Variants in SCAI observed in about 807,000 individuals in gnomAD.
SCAI encodes suppressor of cancer cell invasion.
Under a neutral mutation model 92.2 loss-of-function variants are expected in SCAI, and 24 were observed. The observed-to-expected ratio is 0.26, with a 90% CI of 0.19 to 0.37. SCAI has a LOEUF of 0.37. Among genes scored for constraint, SCAI ranks in the 10% least tolerant of loss-of-function variants. The probability of loss-of-function intolerance (pLI) is 1.00; values close to 1 mark genes in which losing one functional copy is unlikely to be tolerated. For missense variants in SCAI, 450 were observed against 736.2 expected, an observed-to-expected ratio of 0.61 and a Z score of 4.50; for synonymous variants, 261 against 258.6, an observed-to-expected ratio of 1.01 and a Z score of -0.09.
chr9:124,974,447 CAAA>C (rs34233299), intron 15 of SCAI, among the ~76,000 whole-genome samples: 8 of 92,646 alleles, frequency 8.6e-5, no homozygotes, highest in Non-Finnish European at 8.7e-5. Flanking sequence ...GACCCCATCT[CAAA>C]AAAAAAAAAA....
intron 6 of SCAI, 58 bp from the exon 7 acceptor site, chr9:125,020,827 T>G: frequency 1.3e-6 from 1 of 766,524 alleles, no homozygotes; most frequent in Non-Finnish European, 2.1e-6. Flanking sequence ...TTTTTGATTT[T>G]TTTAATTTTC....
intron 2 of SCAI, among the ~76,000 whole-genome samples, chr9:125,136,420 C>T (rs1236673950): frequency 6.9e-6 from 1 of 144,398 alleles, no homozygotes; most frequent in African/African-American, 2.6e-5. Flanking sequence ...TTCAGAATTT[C>T]TATAGCCACA....
intron 12 of SCAI, among the ~76,000 whole-genome samples, chr9:125,000,220 CAG>C (rs1381351341): frequency 6.6e-6 from 1 of 152,024 alleles, no homozygotes; most frequent in Non-Finnish European, 1.5e-5. Context: ...GTTCTTCAAA[CAG>C]AATATAATGA....
chr9:125,107,340 C>G (rs957760738), intron 2 of SCAI, among the ~76,000 whole-genome samples: 30 of 148,772 alleles, frequency 2.0e-4, no homozygotes, highest in African/African-American at 7.2e-4. Flanking sequence ...ACCCAGGAGG[C>G]GGAGGTTGCA....
chr9:125,110,560 GT>G (rs1361666699), intron 2 of SCAI, among the ~76,000 whole-genome samples: 2 of 152,142 alleles, frequency 1.3e-5, no homozygotes, highest in African/African-American at 4.8e-5. Context: ...GATCATGGGG[GT>G]AGTTCCTCAT....
rs1001546869 is a variant in SCAI at position 124,950,762 on chromosome 9, A to G, written c.*2045T>C. 6.6e-6 allele frequency: 1 copy of G among 152,180 alleles called. No individual in the cohort carries two copies. Among genetic ancestry groups the G allele is most frequent in the Non-Finnish European group, 1.5e-5 (1 of 68,030 alleles). The allele number at this position is 152,180 out of a possible 1,614,324, so 9.4% of individuals were successfully genotyped here. ...ACAAACAAAAAAATTTTTAAAAAGT[A>G]AACAGGCCAGGTACAGTGGCTCACA... On this transcript the variant is annotated 3_prime_UTR_variant, in exon 18 of 18. Transcript: ENST00000336505.
At chr9:124,956,606 C>A (rs1374824158) in intron 17 of SCAI, among the ~76,000 whole-genome samples, 2 of 152,186 alleles carry the variant, frequency 1.3e-5, no homozygotes, top group Non-Finnish European at 2.9e-5. Context: ...TTTTGCGAAT[C>A]ATCCATACCC....
intron 2 of SCAI, among the ~76,000 whole-genome samples, chr9:125,137,025 G>A (rs1388364430): frequency 2.0e-5 from 3 of 151,736 alleles, no homozygotes; most frequent in Admixed American, 6.6e-5. Flanking sequence ...CCAAAGTGCT[G>A]GGATGACAGG....
At chr9:125,107,745 G>A (rs1024504633) in intron 2 of SCAI, among the ~76,000 whole-genome samples, 2 of 152,186 alleles carry the variant, frequency 1.3e-5, no homozygotes, top group Non-Finnish European at 2.9e-5. Context: ...TCCAGCCTCG[G>A]CAACAGAGCA....
chr9:125,096,925 G>T (rs977227870), intron 2 of SCAI, among the ~76,000 whole-genome samples: 2 of 152,096 alleles, frequency 1.3e-5, no homozygotes, highest in African/African-American at 4.8e-5. Flanking sequence ...ATATACTCCT[G>T]ACTATTTTCC....
intron 2 of SCAI, among the ~76,000 whole-genome samples, chr9:125,105,237 A>T (rs1398163440): frequency 6.6e-6 from 1 of 152,192 alleles, no homozygotes; most frequent in Non-Finnish European, 1.5e-5. Flanking sequence ...CAGGAGGCTG[A>T]GGCAGGAAGA....
chr9:125,021,725 C>T (rs911941305), intron 6 of SCAI, among the ~76,000 whole-genome samples: 3 of 152,008 alleles, frequency 2.0e-5, no homozygotes, highest in African/African-American at 4.8e-5. Flanking sequence ...AAAATTCTTT[C>T]GACCCATGAG....
intron 2 of SCAI, among the ~76,000 whole-genome samples, chr9:125,103,461 TATTAAC>T (rs999454254): frequency 6.6e-6 from 1 of 152,190 alleles, no homozygotes; most frequent in Admixed American, 6.5e-5. Flanking sequence ...CCAGAAGTAA[TATTAAC>T]ATTAACAGTA....
At chr9:125,043,936 C>T (rs1056547156) in intron 3 of SCAI, among the ~76,000 whole-genome samples, 2 of 152,136 alleles carry the variant, frequency 1.3e-5, no homozygotes, top group Non-Finnish European at 2.9e-5. Flanking sequence ...GCAGCTGCAG[C>T]TACCCAGCTG....
rs932255110 is a variant in SCAI at position 125,014,663 on chromosome 9, C to T, written c.861+4136G>A. On this transcript the variant is annotated intron_variant, in intron 9 of 17. Coordinates refer to ENST00000336505, the MANE Select transcript of SCAI (RefSeq NM_001144877.3). ...ATCAAGCTACCAATGACTTTCTTCA[C>T]AGAATTGGAAAAAACTATTTTAAAG... Among the ~76,000 whole-genome samples, 1,488 of 152,222 alleles carry T rather than the reference C, an allele frequency of 9.8e-3. 18 individuals carry two copies. Among genetic ancestry groups the T allele is most frequent in the African/African-American group, 0.034 (1,418 of 41,528 alleles).
At chr9:125,106,122 A>ATAT (rs1361859750) in intron 2 of SCAI, among the ~76,000 whole-genome samples, 2 of 8,858 alleles carry the variant, frequency 2.3e-4, no homozygotes, top group Non-Finnish European at 5.4e-4. Context: ...AAAAAAAAAA[A>ATAT]ATATATATAT....
At chr9:125,046,768 C>G (rs1833453233) in intron 3 of SCAI, among the ~76,000 whole-genome samples, 1 of 151,332 alleles carries the variant, frequency 6.6e-6, no homozygotes, top group Non-Finnish European at 1.5e-5. Context: ...CAGCTTCTAC[C>G]AGCAACTTTA....
intron 2 of SCAI, among the ~76,000 whole-genome samples, chr9:125,069,683 G>C (rs1337674024): frequency 7.6e-6 from 1 of 131,880 alleles, no homozygotes; most frequent in Non-Finnish European, 1.5e-5. Flanking sequence ...GAGTGCAGTT[G>C]CATGATCTTG....
In SCAI at chr9:125,057,181, T is replaced by C. The variant is rs947819002; in HGVS notation, c.99-1174A>G. 7.2e-5 allele frequency among the ~76,000 whole-genome samples: 11 copies of C among 152,188 alleles called. No homozygotes were observed. The South Asian group carries it at 2.1e-3, about 29-fold the overall frequency. On this transcript the variant is annotated intron_variant, in intron 2 of 17. Transcript: ENST00000336505. ...TAATGTGATACAATTGGTGAAATAATGAATTTTAATAGATGGACTGAAGAA... is the reference window on the plus strand; with the variant it reads ...TAATGTGATACAATTGGTGAAATAACGAATTTTAATAGATGGACTGAAGAA...
Sources: gnomAD v4.1 joint callset for allele counts (sites outside exome capture counted in the v4.1 genomes callset) on GRCh38, gnomAD v4.1.1 for gene constraint, MANE v1.5 for transcripts, NCBI Gene and HGNC (gene_info 2026-07-23, HGNC 2026-07-21) for gene names.